NKAIN2: variants seen among roughly 807,000 people sequenced by gnomAD.
The protein encoded by NKAIN2 is sodium/potassium-transporting ATPase subunit beta-1-interacting protein 2.
In NKAIN2, 14 loss-of-function variants were observed where a neutral mutation model predicts 32.6. The observed-to-expected ratio is 0.43, with a 90% CI of 0.28 to 0.67. The LOEUF is 0.67. Among genes scored for constraint, NKAIN2 ranks in the 30% least tolerant of loss-of-function variants. The pLI is 0.17. For missense variants in NKAIN2, 198 were observed against 258.3 expected (o/e 0.77, Z 1.60); for synonymous variants, 80 against 87.2 (o/e 0.92, Z 0.46).
chr6:124,816,240 A>G (rs1781157883), intron 5 of NKAIN2, among the ~76,000 whole-genome samples: 1 of 152,204 alleles, frequency 6.6e-6, no homozygotes, highest in Non-Finnish European at 1.5e-5. Flanking sequence ...AGGCAAAATT[A>G]TAAAGACAGT....
intron 1 of NKAIN2, among the ~76,000 whole-genome samples, chr6:124,144,686 T>C (rs1364180621): frequency 6.6e-6 from 1 of 152,008 alleles, no homozygotes; most frequent in Non-Finnish European, 1.5e-5. Flanking sequence ...TAATTTAACA[T>C]AAAGTATAGA....
At chr6:124,705,553 G>A (rs534566164) in intron 4 of NKAIN2, among the ~76,000 whole-genome samples, 1 of 151,996 alleles carries the variant, frequency 6.6e-6, no homozygotes, top group East Asian at 1.9e-4. Context: ...TGCATCCCAG[G>A]GTATTTAAAA....
chr6:123,936,589 AG>A (rs1776520105), intron 1 of NKAIN2, among the ~76,000 whole-genome samples: 1 of 152,158 alleles, frequency 6.6e-6, no homozygotes, highest in African/African-American at 2.4e-5. Context: ...CAAAATGAAG[AG>A]GAGTAATAAT....
chr6:124,581,604 T>A (rs1781527704), intron 3 of NKAIN2, among the ~76,000 whole-genome samples: 1 of 152,158 alleles, frequency 6.6e-6, no homozygotes, highest in Non-Finnish European at 1.5e-5. Flanking sequence ...TACCATATGT[T>A]AAGCCACAAA....
chr6:124,022,215 G>A (rs1414727190), intron 1 of NKAIN2, among the ~76,000 whole-genome samples: 2 of 152,012 alleles, frequency 1.3e-5, no homozygotes, highest in African/African-American at 2.4e-5. Context: ...CCCTACAAAG[G>A]ACATGAACTC....
chr6:124,739,278 A>G (rs149940926), intron 4 of NKAIN2, among the ~76,000 whole-genome samples: 13 of 152,000 alleles, frequency 8.6e-5, no homozygotes, highest in African/African-American at 3.1e-4. Context: ...AGACCATTGA[A>G]AAATGTATAA....
chr6:124,703,859 G>A (rs187921096), intron 4 of NKAIN2, among the ~76,000 whole-genome samples: 124 of 151,976 alleles, frequency 8.2e-4, no homozygotes, highest in Non-Finnish European at 9.9e-4. Flanking sequence ...TGCCAGCAGA[G>A]ATCTGGAATA....
At chr6:124,721,635 C>G (rs7741635) in intron 4 of NKAIN2, among the ~76,000 whole-genome samples, 1 of 151,998 alleles carries the variant, frequency 6.6e-6, no homozygotes, top group Non-Finnish European at 1.5e-5. Flanking sequence ...TTCAGTTTAG[C>G]GTCTCTTTCA....
chr6:124,248,420 C>A (rs559615202), intron 1 of NKAIN2, among the ~76,000 whole-genome samples: 30 of 151,948 alleles, frequency 2.0e-4, no homozygotes, highest in Non-Finnish European at 4.1e-4. Flanking sequence ...CCCACCGAAC[C>A]TTTTCCCAAA....
intron 1 of NKAIN2, among the ~76,000 whole-genome samples, chr6:124,108,866 C>A (rs1007110939): frequency 6.6e-6 from 1 of 151,962 alleles, no homozygotes; most frequent in African/African-American, 2.4e-5. Flanking sequence ...GAGTTTATTT[C>A]TGGACTCTCT....
chr6:124,824,669 C>T lies in NKAIN2; in HGVS notation c.*1440C>T, dbSNP rs1467901162. On this transcript the variant is annotated 3_prime_UTR_variant, in exon 7 of 7. Transcript: ENST00000368417. ...GATGAGTCATATTTTTTCTTGGATA[C>T]ACCTGAGACATTAAACTCAATTTTT... 1 of 152,154 alleles carries T rather than the reference C, an allele frequency of 6.6e-6. No homozygotes were observed. The highest frequency in any genetic ancestry group is 2.4e-5 in the African/African-American group (1 of 41,432). 9.4% of individuals were successfully genotyped at this position (152,154 alleles called of 1,614,324 possible).
chr6:124,662,988 A>C (rs1207125329), intron 4 of NKAIN2, among the ~76,000 whole-genome samples: 2 of 152,350 alleles, frequency 1.3e-5, no homozygotes, highest in East Asian at 3.9e-4. Context: ...CTAGCTACTC[A>C]GCAGTCAGAA....
chr6:123,897,227 C>A (rs1774327943), intron 1 of NKAIN2, among the ~76,000 whole-genome samples: 1 of 152,236 alleles, frequency 6.6e-6, no homozygotes, highest in East Asian at 1.9e-4. Flanking sequence ...AGCAAAGCAT[C>A]CATACTGCTT....
At chr6:124,264,073 A>G (rs796351165) in intron 1 of NKAIN2, among the ~76,000 whole-genome samples, 2 of 152,356 alleles carry the variant, frequency 1.3e-5, no homozygotes, top group African/African-American at 4.8e-5. Flanking sequence ...AGACTTCCCC[A>G]GCTCATATGG....
chr6:123,926,039 C>T (rs1775989566), intron 1 of NKAIN2, among the ~76,000 whole-genome samples: 2 of 152,146 alleles, frequency 1.3e-5, no homozygotes, highest in Admixed American at 1.3e-4. Context: ...AAGGGACTAG[C>T]TAGCTCTTTG....
intron 1 of NKAIN2, among the ~76,000 whole-genome samples, chr6:124,211,264 A>G (rs1279805706): frequency 2.0e-5 from 3 of 152,004 alleles, no homozygotes; most frequent in East Asian, 1.9e-4. Flanking sequence ...ATTATATTTA[A>G]AAAAGACTAA....
chr6:124,339,394 G>A (rs1798023087), intron 2 of NKAIN2, among the ~76,000 whole-genome samples: 1 of 152,054 alleles, frequency 6.6e-6, no homozygotes, highest in Admixed American at 6.6e-5. Flanking sequence ...TATTCTTCTG[G>A]AGTCCACAAG....
intron 4 of NKAIN2, among the ~76,000 whole-genome samples, chr6:124,725,189 A>G (rs1207296978): frequency 3.3e-5 from 5 of 152,164 alleles, no homozygotes; most frequent in Non-Finnish European, 7.4e-5. Context: ...GCCCTCTATC[A>G]CACATACCCC....
chr6:123,815,376 A>G (rs1773649247), intron 1 of NKAIN2, among the ~76,000 whole-genome samples: 1 of 152,200 alleles, frequency 6.6e-6, no homozygotes, highest in South Asian at 2.1e-4. Flanking sequence ...GTGTTAATTC[A>G]TATAAGTTTA....
Sources: gnomAD v4.1 joint callset for allele counts (sites outside exome capture counted in the v4.1 genomes callset) on GRCh38, gnomAD v4.1.1 for gene constraint, MANE v1.5 for transcripts, NCBI Gene and HGNC (gene_info 2026-07-23, HGNC 2026-07-21) for gene names.